LSAMP: variants seen among roughly 807,000 people sequenced by gnomAD.
LSAMP encodes the protein limbic system-associated membrane protein.
LSAMP carries 7 observed loss-of-function variants against 38.6 expected under a neutral mutation model. The ratio of observed to expected loss-of-function variants is 0.18; its 90% CI spans 0.10 to 0.34. LSAMP has a LOEUF of 0.34. LSAMP is among the 10% of genes least tolerant of loss of function. LSAMP has a pLI of 1.00. For missense variants in LSAMP, 313 were observed against 420.0 expected (o/e 0.75, Z 2.23); for synonymous variants, 154 against 166.8 (o/e 0.92, Z 0.59).
chr3:115,964,420 C>A (rs1011810631), intron 3 of LSAMP, among the ~76,000 whole-genome samples: 1 of 152,142 alleles, frequency 6.6e-6, no homozygotes, highest in South Asian at 2.1e-4. Flanking sequence ...ATGTAGGTAC[C>A]TAATTTACTT....
chr3:116,117,461 C>T (rs1261368817), intron 1 of LSAMP, among the ~76,000 whole-genome samples: 1 of 152,226 alleles, frequency 6.6e-6, no homozygotes, highest in East Asian at 1.9e-4. Flanking sequence ...TGGTACATTT[C>T]CCATAACTGA....
chr3:116,241,382 C>T (rs1380220568), intron 1 of LSAMP, among the ~76,000 whole-genome samples: 1 of 151,966 alleles, frequency 6.6e-6, no homozygotes, highest in East Asian at 1.9e-4. Flanking sequence ...GTCTGGCCAA[C>T]ATGGTAAAAC....
At position 116,113,017 on chromosome 3, in the gene LSAMP, T is replaced by C. The variant is rs144452869; in HGVS notation, c.156-26461A>G. On this transcript the variant is annotated intron_variant, in intron 1 of 6. Transcript: ENST00000490035. The stretch of plus-strand genomic sequence containing the variant: ...AGGCAGATGGAAAAAGACAGAAATG[T>C]ATCTACAACAAATAATAAGTAAGGA... Among the ~76,000 whole-genome samples the C allele has an allele frequency of 3.9e-3, 588 of 152,046 alleles. 3 individuals are homozygous for C. The highest frequency in any genetic ancestry group is 0.014 in the African/African-American group (567 of 41,436).
At chr3:116,216,677 A>G (rs1211784888) in intron 1 of LSAMP, among the ~76,000 whole-genome samples, 3 of 152,212 alleles carry the variant, frequency 2.0e-5, no homozygotes. Context: ...AGATGTGAAT[A>G]GTGAAAAAAA....
At chr3:116,415,278 A>G (rs887726112) in intron 1 of LSAMP, among the ~76,000 whole-genome samples, 4 of 152,058 alleles carry the variant, frequency 2.6e-5, no homozygotes, top group Admixed American at 2.6e-4. Context: ...CTCATATGAC[A>G]TAAAAAATGA....
intron 1 of LSAMP, among the ~76,000 whole-genome samples, chr3:116,228,491 G>C (rs573602608): frequency 6.6e-6 from 1 of 152,114 alleles, no homozygotes; most frequent in East Asian, 1.9e-4. Context: ...TGTAAAATGA[G>C]GGTATACGTA....
At chr3:116,425,122 A>T (rs2049177856) in intron 1 of LSAMP, among the ~76,000 whole-genome samples, 4 of 152,194 alleles carry the variant, frequency 2.6e-5, no homozygotes, top group African/African-American at 7.2e-5. Flanking sequence ...TCATCAACTC[A>T]GGAAATGCAA....
chr3:116,308,314 A>G (rs2047511647), intron 1 of LSAMP, among the ~76,000 whole-genome samples: 1 of 152,038 alleles, frequency 6.6e-6, no homozygotes, highest in Non-Finnish European at 1.5e-5. Flanking sequence ...ATGCCATAAG[A>G]TATGAATCAA....
intron 1 of LSAMP, among the ~76,000 whole-genome samples, chr3:116,143,621 G>A (rs1369117565): frequency 6.6e-6 from 1 of 151,934 alleles, no homozygotes; most frequent in Non-Finnish European, 1.5e-5. Context: ...AAAGTCTACT[G>A]TATTTTAACT....
At chr3:116,075,368 C>T (rs1404612872) in intron 2 of LSAMP, among the ~76,000 whole-genome samples, 1 of 150,808 alleles carries the variant, frequency 6.6e-6, no homozygotes, top group Non-Finnish European at 1.5e-5. Flanking sequence ...GATTTCCTGA[C>T]CTCGTGATCC....
chr3:116,017,554 G>A (rs560848371), intron 3 of LSAMP, among the ~76,000 whole-genome samples: 2 of 152,044 alleles, frequency 1.3e-5, no homozygotes, highest in African/African-American at 4.8e-5. Flanking sequence ...CTTCTACATA[G>A]CTTGTTTATA....
At chr3:115,922,080 G>C (rs1937395165) in intron 3 of LSAMP, among the ~76,000 whole-genome samples, 1 of 152,074 alleles carries the variant, frequency 6.6e-6, no homozygotes, top group South Asian at 2.1e-4. Flanking sequence ...ATTTATCTTA[G>C]TTGAAGTTCA....
intron 1 of LSAMP, among the ~76,000 whole-genome samples, chr3:116,324,294 C>T (rs184474393): frequency 4.3e-4 from 66 of 152,278 alleles, no homozygotes; most frequent in African/African-American, 1.5e-3. Flanking sequence ...GCAGTCCTCA[C>T]ATTCTTTAGT....
intron 1 of LSAMP, among the ~76,000 whole-genome samples, chr3:116,420,309 G>A (rs1380677752): frequency 6.6e-6 from 1 of 151,868 alleles, no homozygotes; most frequent in Non-Finnish European, 1.5e-5. Context: ...TGTTGGCCAA[G>A]CTAGTCTTGA....
intron 1 of LSAMP, among the ~76,000 whole-genome samples, chr3:116,242,675 A>C (rs1406907564): frequency 1.3e-5 from 2 of 151,776 alleles, no homozygotes. Flanking sequence ...CTTTGGTTCC[A>C]CTTTCTTTCC....
intron 1 of LSAMP, among the ~76,000 whole-genome samples, chr3:116,344,720 A>T (rs922435069): frequency 2.0e-5 from 3 of 152,144 alleles, no homozygotes; most frequent in African/African-American, 7.2e-5. Context: ...TAATCAATAC[A>T]ACAACCCAAA....
rs551773418 is a variant in LSAMP at position 116,154,646 on chromosome 3, G to A, written c.156-68090C>T. On this transcript the variant is annotated intron_variant, in intron 1 of 6. Transcript: ENST00000490035. ...ATTCAGCTCCACTGGGCTCTTTTCA[G>A]CTTTTCAAGCACACCTTGCTCCCTT... 1.1e-4 allele frequency among the ~76,000 whole-genome samples: 16 copies of A among 152,070 alleles called. No individual in the cohort carries two copies. In the South Asian group the frequency reaches 3.3e-3, roughly 32 times the overall value.
intron 3 of LSAMP, among the ~76,000 whole-genome samples, chr3:115,969,819 T>G (rs1443941765): frequency 2.0e-4 from 31 of 152,326 alleles, no homozygotes; most frequent in Non-Finnish European, 1.5e-5. Flanking sequence ...GTTCTTGGGT[T>G]CAAATGCACA....
chr3:116,347,436 G>T (rs1367722625), intron 1 of LSAMP, among the ~76,000 whole-genome samples: 1 of 152,162 alleles, frequency 6.6e-6, no homozygotes, highest in African/African-American at 2.4e-5. Flanking sequence ...AACTTAATGT[G>T]TGTATAGAGA....
Sources: gnomAD v4.1 joint callset for allele counts (sites outside exome capture counted in the v4.1 genomes callset) on GRCh38, gnomAD v4.1.1 for gene constraint, MANE v1.5 for transcripts, NCBI Gene and HGNC (gene_info 2026-07-23, HGNC 2026-07-21) for gene names.